Variants in PDE11A observed in about 807,000 individuals in gnomAD.
PDE11A encodes phosphodiesterase 11A, also known as dual 3',5'-cyclic-AMP and -GMP phosphodiesterase 11A.
In PDE11A, 100 loss-of-function variants were observed where a neutral mutation model predicts 100.5. The ratio of observed to expected loss-of-function variants is 1.00; its 90% CI spans 0.85 to 1.18. The LOEUF (loss-of-function observed/expected upper bound fraction) is 1.18. PDE11A is among the 50% of genes most tolerant of loss of function. The probability of loss-of-function intolerance (pLI) is 0.00; values close to 1 mark genes in which losing one functional copy is unlikely to be tolerated. For synonymous variants in PDE11A, 381 were observed against 420.8 expected (o/e 0.91, Z 1.16); for missense variants, 1,141 against 1,152.6 (o/e 0.99, Z 0.15).
rs957237804 is a variant in PDE11A at position 177,626,639 on chromosome 2, C to A, written c.*2768G>T. ...TAATAAAATCCATAAATCTGAACAACCTCCTCTTACCTGCTCTGCAGAGGC... is the reference window on the plus strand; with the variant it reads ...TAATAAAATCCATAAATCTGAACAAACTCCTCTTACCTGCTCTGCAGAGGC... On this transcript the variant is annotated 3_prime_UTR_variant, in exon 20 of 20. Transcript: ENST00000286063. 11 of 152,634 alleles carry A rather than the reference C, an allele frequency of 7.2e-5. No individual in the cohort carries two copies. The highest frequency in any genetic ancestry group is 2.4e-4 in the African/African-American group (10 of 41,442). 9.5% of individuals were successfully genotyped at this position (152,634 alleles called of 1,614,324 possible). A position where few individuals can be genotyped will look rare whatever the true frequency, so the allele number is the denominator to read the frequency against.
chr2:177,711,798 G>T lies in PDE11A; in HGVS notation c.2124C>A (p.His708Gln). 1 of 1,605,638 alleles carries T rather than the reference G, an allele frequency of 6.2e-7. No individual in the cohort carries two copies. The highest frequency in any genetic ancestry group is 8.5e-7 in the Non-Finnish European group (1 of 1,172,330). The change falls in exon 13 of 20, where the codon CAC (histidine) becomes CAA (glutamine). Residue 708 changes from histidine (H) to glutamine (Q), a missense_variant. Coordinates refer to ENST00000286063, the MANE Select transcript of PDE11A (RefSeq NM_016953.4). ...IVGCLCHDLD[H>Q]RGTNNAFQAK... ...CTTGGAAGGCATTGTTGGTTCCCCT[G>T]TGGTCGAGGTCATGACACAGGCATC...
chr2:177,791,394 G>C (rs572306021), intron 9 of PDE11A, among the ~76,000 whole-genome samples: 1 of 117,622 alleles, frequency 8.5e-6, no homozygotes, highest in African/African-American at 3.3e-5. Flanking sequence ...TTGTCGGGTG[G>C]GGGGAGGGGG....
rs1445363659 is a variant in PDE11A at position 178,040,562 on chromosome 2, A to T, written c.913-26102T>A. ...CACACATATTGTTTTGAATGCGCAGAGTTCTTAGGGTTATGATTTAGCAAC... is the reference window on the plus strand; with the variant it reads ...CACACATATTGTTTTGAATGCGCAGTGTTCTTAGGGTTATGATTTAGCAAC... On this transcript the variant is annotated intron_variant, in intron 1 of 19. Transcript: ENST00000286063. Among the ~76,000 whole-genome samples the T allele has an allele frequency of 2.6e-5, 4 of 152,186 alleles. No individual in the cohort carries two copies. In the East Asian group the frequency reaches 7.7e-4, roughly 29 times the overall value.
At chr2:177,716,171 A>C (rs1221602623) in intron 12 of PDE11A, among the ~76,000 whole-genome samples, 1 of 152,188 alleles carries the variant, frequency 6.6e-6, no homozygotes, top group Non-Finnish European at 1.5e-5. Flanking sequence ...TTGTGTACCC[A>C]ACTCTGGGAT....
At chr2:177,884,703 C>A (rs139715878) in intron 4 of PDE11A, among the ~76,000 whole-genome samples, 2 of 152,182 alleles carry the variant, frequency 1.3e-5, no homozygotes, top group East Asian at 1.9e-4. Flanking sequence ...GAGGCCAGTG[C>A]ATGTTTAAAA....
intron 2 of PDE11A, among the ~76,000 whole-genome samples, chr2:178,096,034 C>T (rs2087484219): frequency 6.6e-6 from 1 of 152,180 alleles, no homozygotes; most frequent in Admixed American, 6.5e-5. Flanking sequence ...TTGAAGGTTT[C>T]TGACATGCCC....
intron 19 of PDE11A, among the ~76,000 whole-genome samples, chr2:177,660,109 C>CTCTT (rs1459374496): frequency 3.2e-5 from 3 of 92,964 alleles, no homozygotes; most frequent in Admixed American, 1.0e-4. Context: ...CTCTCTCTCT[C>CTCTT]TCTTTCTTTC....
chr2:177,901,369 C>T (rs2084696056), intron 3 of PDE11A, among the ~76,000 whole-genome samples: 1 of 152,156 alleles, frequency 6.6e-6, no homozygotes, highest in African/African-American at 2.4e-5. Flanking sequence ...CCAAATTATC[C>T]TTAAAAACTC....
At position 177,780,490 on chromosome 2, in the gene PDE11A, G is replaced by C. The variant is rs762877017; in HGVS notation, c.1738-11117C>G. Among the ~76,000 whole-genome samples the C allele has an allele frequency of 6.6e-5, 10 of 152,270 alleles. No individual in the cohort carries two copies. In the South Asian group the frequency reaches 8.3e-4, roughly 13 times the overall value. ...ACTTACCATAGCCCCTAACAAGAGAGTCAGCCTGTGCTTTGAAGACATTGA... is the reference window on the plus strand; with the variant it reads ...ACTTACCATAGCCCCTAACAAGAGACTCAGCCTGTGCTTTGAAGACATTGA... On this transcript the variant is annotated intron_variant, in intron 9 of 19. Transcript: ENST00000286063.
intron 4 of PDE11A, among the ~76,000 whole-genome samples, chr2:177,882,387 C>A (rs1027610396): frequency 3.3e-5 from 5 of 152,072 alleles, no homozygotes; most frequent in African/African-American, 1.2e-4. Flanking sequence ...GAAATTATGA[C>A]CAATACCAAA....
At chr2:178,105,264 A>G (rs1199812491) in intron 1 of PDE11A, among the ~76,000 whole-genome samples, 1 of 152,188 alleles carries the variant, frequency 6.6e-6, no homozygotes, top group East Asian at 1.9e-4. Flanking sequence ...GTTCGAGATC[A>G]GCCCGGCCAA....
At chr2:177,776,938 T>A (rs1262430890) in intron 9 of PDE11A, among the ~76,000 whole-genome samples, 1 of 152,178 alleles carries the variant, frequency 6.6e-6, no homozygotes, top group Non-Finnish European at 1.5e-5. Flanking sequence ...ACCCTCATGC[T>A]GTTCTCATGA....
chr2:177,893,194 T>C (rs141048214), intron 4 of PDE11A, among the ~76,000 whole-genome samples: 22 of 152,306 alleles, frequency 1.4e-4, no homozygotes, highest in Non-Finnish European at 3.2e-4. Flanking sequence ...CATTCTACTG[T>C]TTTGTTCATA....
chr2:177,899,390 G>C (rs1038610718), intron 3 of PDE11A: 4 of 185,126 alleles, frequency 2.2e-5, no homozygotes, highest in African/African-American at 4.8e-5. Context: ...CTGGACAACA[G>C]AGTGAGACTC....
At chr2:177,836,989 A>G (rs547181258) in intron 6 of PDE11A, among the ~76,000 whole-genome samples, 13 of 152,298 alleles carry the variant, frequency 8.5e-5, no homozygotes, top group Admixed American at 3.3e-4. Flanking sequence ...CTTGAAGTCA[A>G]TGAGACCAAG....
chr2:177,981,255 A>G (rs1249103554), intron 2 of PDE11A, among the ~76,000 whole-genome samples: 1 of 150,642 alleles, frequency 6.6e-6, no homozygotes, highest in Non-Finnish European at 1.5e-5. Flanking sequence ...TTACTGTATT[A>G]GTTTCCTAGG....
At chr2:177,919,667 G>T (rs908254995) in intron 2 of PDE11A, among the ~76,000 whole-genome samples, 3 of 151,548 alleles carry the variant, frequency 2.0e-5, no homozygotes. Flanking sequence ...ATGGAAAAAC[G>T]TGCCATATTT....
chr2:177,745,982 C>A (rs2081942748), intron 10 of PDE11A, among the ~76,000 whole-genome samples: 1 of 152,142 alleles, frequency 6.6e-6, no homozygotes, highest in Non-Finnish European at 1.5e-5. Context: ...GGCCTCAATG[C>A]CTTTCAATAG....
chr2:177,795,864 C>T (rs903605851), intron 9 of PDE11A, among the ~76,000 whole-genome samples: 17 of 144,114 alleles, frequency 1.2e-4, no homozygotes, highest in Admixed American at 3.6e-4. Context: ...TTAGGGAGGG[C>T]CACGTGAAGC....
Sources: gnomAD v4.1 joint callset for allele counts (sites outside exome capture counted in the v4.1 genomes callset) on GRCh38, gnomAD v4.1.1 for gene constraint, MANE v1.5 for transcripts, NCBI Gene and HGNC (gene_info 2026-07-23, HGNC 2026-07-21) for gene names.